The following PACRG variants were observed in gnomAD, a reference collection of about 807,000 sequenced individuals.
The protein encoded by PACRG is parkin coregulated, also known as parkin coregulated gene protein.
A neutral mutation model predicts 29.7 loss-of-function variants in PACRG; 29 were observed. That is an observed-to-expected ratio of 0.98 (90% CI 0.73 to 1.33). The LOEUF is 1.33. Ranked by LOEUF, PACRG falls within the 40% of genes most tolerant of loss-of-function variation. The probability of loss-of-function intolerance (pLI) is 0.00; values close to 1 mark genes in which losing one functional copy is unlikely to be tolerated. For missense variants in PACRG, 279 were observed against 316.2 expected (o/e 0.88, Z 0.89); for synonymous variants, 116 against 118.7 (o/e 0.98, Z 0.15).
intron 2 of PACRG, among the ~76,000 whole-genome samples, chr6:162,972,141 C>T (rs143240775): frequency 2.1e-3 from 314 of 152,250 alleles, no homozygotes; most frequent in Middle Eastern, 3.4e-3. Context: ...AAGACTTTGG[C>T]GAGTCTCAAA....
At chr6:163,299,481 C>G (rs777121533) in intron 4 of PACRG, among the ~76,000 whole-genome samples, 1 of 152,150 alleles carries the variant, frequency 6.6e-6, no homozygotes, top group Non-Finnish European at 1.5e-5. Context: ...TTGGCGTCCT[C>G]GAGGCCAGGA....
At chr6:163,091,460 A>T (rs1039750287) in intron 4 of PACRG, among the ~76,000 whole-genome samples, 16 of 152,208 alleles carry the variant, frequency 1.1e-4, no homozygotes, top group African/African-American at 3.9e-4. Flanking sequence ...TTGGTTCCAA[A>T]CTCAGCTAAT....
intron 2 of PACRG, among the ~76,000 whole-genome samples, chr6:163,001,567 A>G (rs1207357934): frequency 1.3e-5 from 2 of 152,178 alleles, no homozygotes; most frequent in South Asian, 2.1e-4. Flanking sequence ...TTCTGATATG[A>G]CTCAAGTCTC....
intron 4 of PACRG, among the ~76,000 whole-genome samples, chr6:163,141,965 G>T (rs1312302506): frequency 6.6e-6 from 1 of 151,988 alleles, no homozygotes; most frequent in Admixed American, 6.6e-5. Context: ...TCCTTTGTAT[G>T]CTCCTAGAAC....
At chr6:162,844,183 G>A (rs1475804205) in intron 2 of PACRG, among the ~76,000 whole-genome samples, 115 of 150,014 alleles carry the variant, frequency 7.7e-4, no homozygotes, top group African/African-American at 2.4e-3. Context: ...AATGGCGGGC[G>A]CCCCTCCCCC....
intron 2 of PACRG, among the ~76,000 whole-genome samples, chr6:162,995,063 G>A (rs1466389951): frequency 1.3e-5 from 2 of 151,224 alleles, no homozygotes; most frequent in African/African-American, 2.5e-5. Context: ...AGGGGTCAGG[G>A]GTCAGGGACC....
intron 2 of PACRG, among the ~76,000 whole-genome samples, chr6:162,983,589 A>T (rs1259525901): frequency 6.6e-6 from 1 of 152,042 alleles, no homozygotes; most frequent in Non-Finnish European, 1.5e-5. Context: ...TGGATACGAT[A>T]TTCTTGGCTG....
intron 2 of PACRG, among the ~76,000 whole-genome samples, chr6:162,976,419 C>T (rs552269679): frequency 7.2e-5 from 11 of 152,094 alleles, no homozygotes; most frequent in Non-Finnish European, 1.6e-4. Context: ...CTTTAACTAA[C>T]AGGACTGGAT....
chr6:162,907,450 A>G (rs1365090709), intron 2 of PACRG, among the ~76,000 whole-genome samples: 2 of 152,138 alleles, frequency 1.3e-5, no homozygotes, highest in Non-Finnish European at 2.9e-5. Context: ...GGATCATTTG[A>G]AAAGACTTCT....
At chr6:162,747,401 T>C (rs1781133519) in intron 1 of PACRG, among the ~76,000 whole-genome samples, 1 of 17,266 alleles carries the variant, frequency 5.8e-5, no homozygotes, top group Non-Finnish European at 8.7e-5. Flanking sequence ...TATATATATA[T>C]GTATATATAT....
chr6:163,004,291 A>G (rs1169118084), intron 2 of PACRG, among the ~76,000 whole-genome samples: 4 of 151,012 alleles, frequency 2.6e-5, no homozygotes, highest in Admixed American at 2.0e-4. Context: ...TATTAGCTAT[A>G]ATATTGTATT....
intron 2 of PACRG, among the ~76,000 whole-genome samples, chr6:163,027,456 T>C (rs1807239412): frequency 6.6e-6 from 1 of 152,212 alleles, no homozygotes; most frequent in South Asian, 2.1e-4. Flanking sequence ...AAATGTCAAC[T>C]GAATTTCTAG....
chr6:163,163,923 A>G (rs1778678627), intron 4 of PACRG, among the ~76,000 whole-genome samples: 1 of 152,074 alleles, frequency 6.6e-6, no homozygotes, highest in East Asian at 1.9e-4. Context: ...AATATATTTT[A>G]CAGATAAATA....
rs78145314 is a variant in PACRG at position 162,999,782 on chromosome 6, A to C, written c.292-62368A>C. On this transcript the variant is annotated intron_variant, in intron 2 of 4. Coordinates refer to ENST00000366888, the MANE Select transcript of PACRG (RefSeq NM_001080379.2). The stretch of plus-strand genomic sequence containing the variant: ...TTTACTTTAGCCTCAGCCTTTCAAA[A>C]TTTCCGAGTGAAATATCATTAATCC... Among the ~76,000 whole-genome samples the C allele has an allele frequency of 6.0e-4, 91 of 152,326 alleles. 3 individuals carry two copies. In the East Asian group the frequency reaches 0.017, roughly 29 times the overall value.
chr6:163,166,280 CA>C (rs3064931), intron 4 of PACRG: 1 of 435,872 alleles, frequency 2.3e-6, no homozygotes. Flanking sequence ...ACAACAACAA[CA>C]AAAAAATGTA....
At chr6:162,881,018 G>T (rs1793794338) in intron 2 of PACRG, among the ~76,000 whole-genome samples, 1 of 152,228 alleles carries the variant, frequency 6.6e-6, no homozygotes, top group African/African-American at 2.4e-5. Context: ...ATCTTCTGTA[G>T]ATGTGCATGT....
At position 163,260,976 on chromosome 6, in the gene PACRG, T is replaced by C. The variant is rs544618220; in HGVS notation, c.614-53851T>C. On this transcript the variant is annotated intron_variant, in intron 4 of 4. Transcript: ENST00000366888. The stretch of plus-strand genomic sequence containing the variant: ...AAAATCACCTATCTAAATAATGCAT[T>C]GTCATCGTTAGCAAAACCTTAAAGC... Among the ~76,000 whole-genome samples, 15 of 152,134 alleles carry C rather than the reference T, an allele frequency of 9.9e-5. No individual in the cohort carries two copies. In the East Asian group the frequency reaches 2.7e-3, roughly 28 times the overall value.
intron 4 of PACRG, among the ~76,000 whole-genome samples, chr6:163,164,791 C>T (rs764902202): frequency 6.6e-6 from 1 of 152,148 alleles, no homozygotes; most frequent in East Asian, 1.9e-4. Context: ...AGATTTAAAT[C>T]CCAGTTAGTA....
intron 4 of PACRG, among the ~76,000 whole-genome samples, chr6:163,208,648 G>T (rs1781007667): frequency 6.6e-6 from 1 of 152,146 alleles, no homozygotes; most frequent in African/African-American, 2.4e-5. Flanking sequence ...CTCCTAAAAA[G>T]AATGCTCAAA....
Sources: gnomAD v4.1 joint callset for allele counts (sites outside exome capture counted in the v4.1 genomes callset) on GRCh38, gnomAD v4.1.1 for gene constraint, MANE v1.5 for transcripts, NCBI Gene and HGNC (gene_info 2026-07-23, HGNC 2026-07-21) for gene names.